Variants in SUCLG2 observed in about 807,000 individuals in gnomAD.
SUCLG2 encodes the protein succinate--CoA ligase [GDP-forming] subunit beta, mitochondrial.
SUCLG2 carries 42 observed loss-of-function variants against 47.9 expected under a neutral mutation model. The ratio of observed to expected loss-of-function variants is 0.88; its 90% confidence interval spans 0.69 to 1.14. SUCLG2 has a LOEUF of 1.14. Among genes scored for constraint, SUCLG2 ranks in the 50% most tolerant of loss-of-function variants. SUCLG2 has a pLI of 0.00. For synonymous variants in SUCLG2, 195 were observed against 197.3 expected, an observed-to-expected ratio of 0.99 and a Z score of 0.10; for missense variants, 571 against 525.9, an observed-to-expected ratio of 1.09 and a Z score of -0.84.
intron 9 of SUCLG2, among the ~76,000 whole-genome samples, chr3:67,412,505 G>C (rs1263699325): frequency 6.6e-6 from 1 of 152,144 alleles, no homozygotes; most frequent in East Asian, 1.9e-4. Flanking sequence ...GCCCTGGGAG[G>C]CTGACTAGAG....
intron 9 of SUCLG2, among the ~76,000 whole-genome samples, chr3:67,484,444 C>T (rs1291578622): frequency 6.6e-6 from 1 of 152,178 alleles, no homozygotes; most frequent in Non-Finnish European, 1.5e-5. Flanking sequence ...TGAGTTTGTT[C>T]TAAAAAGATA....
intron 9 of SUCLG2, among the ~76,000 whole-genome samples, chr3:67,474,086 C>T (rs1314495664): frequency 6.6e-6 from 1 of 152,070 alleles, no homozygotes; most frequent in African/African-American, 2.4e-5. Flanking sequence ...TGAAACCCGT[C>T]TTTACTAAAA....
intron 2 of SUCLG2, among the ~76,000 whole-genome samples, chr3:67,584,885 G>A (rs1707975203): frequency 6.6e-6 from 1 of 152,028 alleles, no homozygotes; most frequent in Admixed American, 6.6e-5. Context: ...ACAGCATGAG[G>A]GTAACTGCCC....
At chr3:67,407,096 C>CT (rs1323358615) in intron 9 of SUCLG2, among the ~76,000 whole-genome samples, 3 of 152,102 alleles carry the variant, frequency 2.0e-5, no homozygotes, top group Non-Finnish European at 4.4e-5. Flanking sequence ...ACTACTTACC[C>CT]TTGTTGCAGC....
chr3:67,618,247 C>T, intron 1 of SUCLG2, among the ~76,000 whole-genome samples: 1 of 152,032 alleles, frequency 6.6e-6, no homozygotes, highest in East Asian at 1.9e-4. Flanking sequence ...TGGTGAAAGC[C>T]CGTCTCTACT....
At chr3:67,461,957 C>T (rs943297141) in intron 9 of SUCLG2, among the ~76,000 whole-genome samples, 1 of 151,862 alleles carries the variant, frequency 6.6e-6, no homozygotes, top group African/African-American at 2.4e-5. Context: ...TAAGGTCATG[C>T]GGGGCCGGAT....
downstream of SUCLG2, among the ~76,000 whole-genome samples, chr3:67,374,452 G>A (rs182665454): frequency 1.8e-4 from 28 of 152,240 alleles, no homozygotes; most frequent in Non-Finnish European, 4.4e-5. Flanking sequence ...CTCCCTTTGC[G>A]TTACGCAGAC....
At position 67,482,999 on chromosome 3, in the gene SUCLG2, G is replaced by A. The variant is rs1350998564; in HGVS notation, c.1062+12799C>T. ...TAATGAAAAAACCCACAGATAAGCTGGAAGAAAAATAATTAACTCGGATTT... is the reference window on the plus strand; with the variant it reads ...TAATGAAAAAACCCACAGATAAGCTAGAAGAAAAATAATTAACTCGGATTT... On this transcript the variant is annotated intron_variant, in intron 9 of 10. Transcript: ENST00000307227. 2.6e-5 allele frequency among the ~76,000 whole-genome samples: 4 copies of A among 152,070 alleles called. No individual in the cohort carries two copies. In the East Asian group the frequency reaches 7.7e-4, roughly 29 times the overall value.
chr3:67,485,063 A>G (rs1439208933), intron 9 of SUCLG2, among the ~76,000 whole-genome samples: 10 of 152,334 alleles, frequency 6.6e-5, no homozygotes, highest in Admixed American at 2.0e-4. Flanking sequence ...ACAGGAAGAT[A>G]TTAAACTGAA....
At chr3:67,576,652 T>C (rs922828874) in intron 2 of SUCLG2, among the ~76,000 whole-genome samples, 13 of 152,162 alleles carry the variant, frequency 8.5e-5, no homozygotes, top group East Asian at 3.9e-4. Context: ...CTTAAGGAAA[T>C]AGAAACCTTC....
downstream of SUCLG2, among the ~76,000 whole-genome samples, chr3:67,371,040 T>C (rs1298999921): frequency 6.6e-6 from 1 of 152,166 alleles, no homozygotes; most frequent in African/African-American, 2.4e-5. Context: ...CCAAATTGAA[T>C]CTCCAAATCT....
chr3:67,587,482 C>T (rs1351105366), intron 2 of SUCLG2, among the ~76,000 whole-genome samples: 7 of 152,204 alleles, frequency 4.6e-5, no homozygotes, highest in Admixed American at 3.9e-4. Flanking sequence ...TTCAGTGAAA[C>T]CTTAAAAGTG....
chr3:67,366,878 C>G (rs1701883452), intron 10 of SUCLG2, among the ~76,000 whole-genome samples: 1 of 152,128 alleles, frequency 6.6e-6, no homozygotes, highest in Non-Finnish European at 1.5e-5. Context: ...TTCTAAGTAG[C>G]AAGCTTCACC....
intron 2 of SUCLG2, among the ~76,000 whole-genome samples, chr3:67,589,485 C>G (rs1708102434): frequency 6.6e-6 from 1 of 152,150 alleles, no homozygotes; most frequent in African/African-American, 2.4e-5. Context: ...CCAATGGAAT[C>G]CAACTTGTAT....
chr3:67,512,356 A>AT lies in SUCLG2; in HGVS notation c.661-3454dup, dbSNP rs900086650. Among the ~76,000 whole-genome samples, 6 of 151,024 alleles carry AT rather than the reference A, an allele frequency of 4.0e-5. 1 individual carries two copies. The highest frequency in any genetic ancestry group is 2.1e-4 in the South Asian group (1 of 4,830). ...GCCAGCAAATACTTCATTGCGGAAT[A>AT]TTTTTTGTATTTTAGGGGGTTTTCT... On this transcript the variant is annotated intron_variant, in intron 6 of 10. Coordinates refer to ENST00000307227, the MANE Select transcript of SUCLG2 (RefSeq NM_003848.4).
At chr3:67,532,484 T>A (rs973324590) in intron 2 of SUCLG2, among the ~76,000 whole-genome samples, 4 of 152,160 alleles carry the variant, frequency 2.6e-5, no homozygotes, top group African/African-American at 9.7e-5. Flanking sequence ...GGACTCTGAG[T>A]TGGTATAACT....
intron 2 of SUCLG2, among the ~76,000 whole-genome samples, chr3:67,535,304 G>C (rs58334861): frequency 6.6e-6 from 1 of 152,048 alleles, no homozygotes; most frequent in Non-Finnish European, 1.5e-5. Context: ...GAGGAGCTGA[G>C]AAAAGGCACG....
chr3:67,616,420 G>C, intron 1 of SUCLG2, among the ~76,000 whole-genome samples: 1 of 152,116 alleles, frequency 6.6e-6, no homozygotes, highest in East Asian at 1.9e-4. Flanking sequence ...GCAATAATGT[G>C]TATCTTCTAA....
intron 2 of SUCLG2, among the ~76,000 whole-genome samples, chr3:67,530,182 T>A (rs1706363554): frequency 6.6e-6 from 1 of 152,198 alleles, no homozygotes; most frequent in South Asian, 2.1e-4. Context: ...AACCCAGGTT[T>A]CAATCTGGCC....
Sources: gnomAD v4.1 joint callset for allele counts (sites outside exome capture counted in the v4.1 genomes callset) on GRCh38, gnomAD v4.1.1 for gene constraint, MANE v1.5 for transcripts, NCBI Gene and HGNC (gene_info 2026-07-23, HGNC 2026-07-21) for gene names.